PCCA: variants seen among roughly 807,000 people sequenced by gnomAD.
PCCA encodes the protein propionyl-CoA carboxylase subunit alpha.
In PCCA, 74 loss-of-function variants were observed where a neutral mutation model predicts 101.3. That is an observed-to-expected ratio of 0.73 (90% confidence interval 0.61 to 0.89). PCCA has a LOEUF of 0.89. Among genes scored for constraint, PCCA ranks in the 40% least tolerant of loss-of-function variants. PCCA has a pLI of 0.00. For missense variants in PCCA, 891 were observed against 907.0 expected, an observed-to-expected ratio of 0.98 and a Z score of 0.23; for synonymous variants, 294 against 313.6, an observed-to-expected ratio of 0.94 and a Z score of 0.66.
At chr13:100,168,792 A>G (rs1001515799) in intron 6 of PCCA, among the ~76,000 whole-genome samples, 6 of 152,210 alleles carry the variant, frequency 3.9e-5, no homozygotes, top group Admixed American at 3.3e-4. Context: ...TTCCTTACCA[A>G]TGACCAGTTT....
chr13:100,318,675 G>A (rs1450805403), intron 16 of PCCA, among the ~76,000 whole-genome samples: 7 of 151,902 alleles, frequency 4.6e-5, no homozygotes, highest in African/African-American at 1.2e-4. Flanking sequence ...CATTTTTTAC[G>A]GCTGCATAGT....
chr13:100,346,860 G>A (rs1331772756), intron 18 of PCCA, among the ~76,000 whole-genome samples: 4 of 152,048 alleles, frequency 2.6e-5, no homozygotes, highest in Admixed American at 2.0e-4. Flanking sequence ...ATGAGGGTTA[G>A]CATTTTTTTA....
rs1391921589 is a variant in PCCA, at chr13:100,089,318, G to A, written c.105+93G>A. 3.0e-6 allele frequency: 4 copies of A among 1,327,868 alleles called. No individual in the cohort carries two copies. The African/African-American group carries it at 4.6e-5, about 15-fold the overall frequency. The allele number at this position is 1,327,868 out of a possible 1,614,324, so 82.3% of individuals were successfully genotyped here. A position where few individuals can be genotyped will look rare whatever the true frequency, so the allele number is the denominator to read the frequency against. ...CTGGCGCCGGGAGAGCGCTGGCTGG[G>A]TCCGGCTGCCCCCGCGCCCCGGTTC... On this transcript the variant is annotated intron_variant, in intron 1 of 23. Coordinates refer to ENST00000376285, the MANE Select transcript of PCCA (RefSeq NM_000282.4).
intron 21 of PCCA, among the ~76,000 whole-genome samples, chr13:100,510,479 T>C (rs1249473980): frequency 6.6e-6 from 1 of 152,214 alleles, no homozygotes; most frequent in Non-Finnish European, 1.5e-5. Flanking sequence ...GTGGGCCTGC[T>C]TTGTACCGCA....
At chr13:100,406,248 A>C (rs2077670082) in intron 19 of PCCA, among the ~76,000 whole-genome samples, 1 of 152,202 alleles carries the variant, frequency 6.6e-6, no homozygotes, top group Non-Finnish European at 1.5e-5. Context: ...TGCAAAAGAA[A>C]AATGGATTCT....
intron 12 of PCCA, among the ~76,000 whole-genome samples, chr13:100,300,812 C>T (rs753774340): frequency 2.0e-5 from 3 of 152,242 alleles, no homozygotes; most frequent in Non-Finnish European, 4.4e-5. Flanking sequence ...ACATGCATGA[C>T]AGCATCAGCC....
intron 18 of PCCA, among the ~76,000 whole-genome samples, chr13:100,356,051 A>G (rs375783958): frequency 2.2e-4 from 33 of 152,270 alleles, no homozygotes; most frequent in African/African-American, 7.2e-4. Context: ...TGCTTGGGCA[A>G]TTGGATATGC....
At position 100,119,553 on chromosome 13, in the gene PCCA, A is replaced by G. The variant is rs565496511; in HGVS notation, c.300+7492A>G. ...ACAAAATGAGATTGCACACACACAG[A>G]TACACACCTGTTGAATAGGCTCATG... On this transcript the variant is annotated intron_variant, in intron 4 of 23. Transcript: ENST00000376285. Among the ~76,000 whole-genome samples, 388 of 152,326 alleles carry G rather than the reference A, an allele frequency of 2.5e-3. 1 individual carries two copies. The highest frequency in any genetic ancestry group is 9.0e-3 in the African/African-American group (373 of 41,568).
chr13:100,213,154 T>G (rs1263385310), intron 7 of PCCA, among the ~76,000 whole-genome samples: 1 of 152,232 alleles, frequency 6.6e-6, no homozygotes, highest in East Asian at 1.9e-4. Context: ...GACATTTAGG[T>G]TGCTTCCAAA....
Position 100,215,499 on chromosome 13 carries a change from A to G in PCCA, c.600+6036A>G, listed in dbSNP as rs372731972. Among the ~76,000 whole-genome samples, 9 of 152,200 alleles carry G rather than the reference A, an allele frequency of 5.9e-5. No homozygotes were observed. In the East Asian group the frequency reaches 1.5e-3, roughly 26 times the overall value. The stretch of plus-strand genomic sequence containing the variant: ...ATTTTATATACAGGCATGTCTTCAT[A>G]TCTACAAGGGATTGGTTCCAAGACC... On this transcript the variant is annotated intron_variant, in intron 7 of 23. Transcript: ENST00000376285.
At chr13:100,184,514 C>T (rs1038577499) in intron 6 of PCCA, among the ~76,000 whole-genome samples, 17 of 152,132 alleles carry the variant, frequency 1.1e-4, no homozygotes, top group Admixed American at 7.9e-4. Context: ...TGGAATCGTA[C>T]GCCCTTTCAT....
chr13:100,301,196 T>C (rs1039408973), intron 12 of PCCA, among the ~76,000 whole-genome samples: 1 of 152,238 alleles, frequency 6.6e-6, no homozygotes, highest in Non-Finnish European at 1.5e-5. Context: ...TCTTAAATAT[T>C]GTTGGACCAC....
At chr13:100,313,151 C>T (rs1030491090) in intron 16 of PCCA, among the ~76,000 whole-genome samples, 12 of 152,008 alleles carry the variant, frequency 7.9e-5, no homozygotes, top group African/African-American at 2.7e-4. Context: ...CCTTTCCTCC[C>T]TCCATTCTCT....
intron 7 of PCCA, among the ~76,000 whole-genome samples, chr13:100,217,396 A>T (rs1206010419): frequency 6.6e-6 from 1 of 151,686 alleles, no homozygotes; most frequent in African/African-American, 2.4e-5. Flanking sequence ...GTGAGCCGAG[A>T]TCATGCCACT....
At chr13:100,472,473 G>C (rs900799013) in intron 21 of PCCA, among the ~76,000 whole-genome samples, 2 of 152,170 alleles carry the variant, frequency 1.3e-5, no homozygotes, top group Non-Finnish European at 2.9e-5. Flanking sequence ...CCGACGAGGA[G>C]AGGTTAATGC....
chr13:100,197,276 T>TGGCTCA (rs1339117443), intron 6 of PCCA, among the ~76,000 whole-genome samples: 5 of 152,112 alleles, frequency 3.3e-5, no homozygotes, highest in African/African-American at 4.8e-5. Context: ...GGTGTGAACA[T>TGGCTCA]GGCTCACTGC....
At chr13:100,294,866 C>T (rs899228014) in intron 12 of PCCA, among the ~76,000 whole-genome samples, 7 of 152,122 alleles carry the variant, frequency 4.6e-5, no homozygotes, top group African/African-American at 1.7e-4. Flanking sequence ...GCACCTTCAT[C>T]CATCTATTCT....
At chr13:100,459,796 C>A (rs1455760639) in intron 21 of PCCA, among the ~76,000 whole-genome samples, 1 of 152,196 alleles carries the variant, frequency 6.6e-6, no homozygotes, top group East Asian at 1.9e-4. Context: ...TCTCACAGTT[C>A]TAGAGCCTGG....
chr13:100,517,293 G>T (rs1033882192), intron 22 of PCCA, among the ~76,000 whole-genome samples: 3 of 152,162 alleles, frequency 2.0e-5, no homozygotes, highest in African/African-American at 4.8e-5. Flanking sequence ...CCAGATCAGC[G>T]CAGCCTTCTG....
Sources: gnomAD v4.1 joint callset for allele counts (sites outside exome capture counted in the v4.1 genomes callset) on GRCh38, gnomAD v4.1.1 for gene constraint, MANE v1.5 for transcripts, NCBI Gene and HGNC (gene_info 2026-07-23, HGNC 2026-07-21) for gene names.